HSD17B11: variants seen among roughly 807,000 people sequenced by gnomAD.
HSD17B11 encodes hydroxysteroid 17-beta dehydrogenase 11.
Under a neutral mutation model 27.8 loss-of-function variants are expected in HSD17B11, and 22 were observed. That is an observed-to-expected ratio of 0.79 (90% CI 0.56 to 1.13). The LOEUF is 1.13. Ranked by LOEUF, HSD17B11 falls within the 50% of genes most tolerant of loss-of-function variation. The pLI, the probability that HSD17B11 is intolerant of heterozygous loss-of-function variation, is 0.00. For missense variants in HSD17B11, 314 were observed against 351.1 expected (o/e 0.89, Z 0.84); for synonymous variants, 117 against 132.8 (o/e 0.88, Z 0.82).
At position 87,364,102 on chromosome 4, in the gene HSD17B11, A is replaced by T. The variant is rs189850224; in HGVS notation, c.558-6686T>A. Among the ~76,000 whole-genome samples, 37 of 152,236 alleles carry T rather than the reference A, an allele frequency of 2.4e-4. 1 individual carries two copies. The highest frequency in any genetic ancestry group is 2.4e-3 in the Admixed American group (36 of 15,284). On this transcript the variant is annotated intron_variant, in intron 4 of 6. Transcript: ENST00000358290. ...CTCTTCTTGAAGCTTGTTTTGCTGG[A>T]AAAAGGTTTTTTCTTCTCAGTCAAG...
intron 4 of HSD17B11, among the ~76,000 whole-genome samples, chr4:87,359,151 G>C (rs1409992269): frequency 6.6e-6 from 1 of 152,140 alleles, no homozygotes; most frequent in Non-Finnish European, 1.5e-5. Context: ...GCAGAACTGT[G>C]AGTCAATTGA....
chr4:87,371,900 T>C (rs1213612788), intron 4 of HSD17B11, among the ~76,000 whole-genome samples: 2 of 152,096 alleles, frequency 1.3e-5, no homozygotes, highest in Non-Finnish European at 2.9e-5. Flanking sequence ...CCTTGTGTGG[T>C]TGCAACCCTG....
chr4:87,365,004 A>G (rs1735590484), intron 4 of HSD17B11, among the ~76,000 whole-genome samples: 1 of 152,244 alleles, frequency 6.6e-6, no homozygotes, highest in African/African-American at 2.4e-5. Flanking sequence ...ACCCGTCTCT[A>G]GTAAAAATAC....
chr4:87,362,069 C>T (rs980614564), intron 4 of HSD17B11, among the ~76,000 whole-genome samples: 7 of 152,200 alleles, frequency 4.6e-5, no homozygotes, highest in African/African-American at 1.2e-4. Flanking sequence ...GGGGTGCCTA[C>T]ACCTGGGTAA....
rs185485042 is a variant in HSD17B11, at chr4:87,379,251, G to A, written c.318+3004C>T. On this transcript the variant is annotated intron_variant, in intron 2 of 6. Coordinates refer to ENST00000358290, the MANE Select transcript of HSD17B11 (RefSeq NM_016245.5). ...TGAGCTCAGGGGATCCACCCACCTC[G>A]GCCTCCCAAAGTGCTGGGATTCTAG... Among the ~76,000 whole-genome samples the A allele has an allele frequency of 1.4e-3, 206 of 149,548 alleles. 2 individuals are homozygous for A. Among genetic ancestry groups the A allele is most frequent in the Admixed American group, 0.013 (192 of 14,826 alleles).
At chr4:87,338,217 C>T (rs1578451009) in intron 6 of HSD17B11, among the ~76,000 whole-genome samples, 1 of 150,606 alleles carries the variant, frequency 6.6e-6, no homozygotes, top group Non-Finnish European at 1.5e-5. Flanking sequence ...ACTCCGTCCC[C>T]CACAGCACCC....
At chr4:87,373,131 G>C in intron 3 of HSD17B11, 1 of 228,012 alleles carries the variant, frequency 4.4e-6, no homozygotes, top group Admixed American at 5.6e-5. Flanking sequence ...CTTGAGGTCA[G>C]GAGTTCAAGA....
At chr4:87,380,863 C>CAAAA (rs561938045) in intron 2 of HSD17B11, among the ~76,000 whole-genome samples, 1 of 74,730 alleles carries the variant, frequency 1.3e-5, no homozygotes, top group Non-Finnish European at 2.4e-5. Context: ...GACTCTATCT[C>CAAAA]AAAAAAAAAA....
At position 87,365,750 on chromosome 4, in the gene HSD17B11, TA is replaced by T. The variant is rs55897268; in HGVS notation, c.557+6958del. On this transcript the variant is annotated intron_variant, in intron 4 of 6. Coordinates refer to ENST00000358290, the MANE Select transcript of HSD17B11 (RefSeq NM_016245.5). ...AAAAAAGGTGAAATGTGTTTTTGGT[TA>T]AAAAAAAAATTGTAAGAAGAAGCAT... 1.6e-4 allele frequency among the ~76,000 whole-genome samples: 24 copies of T among 150,756 alleles called. No homozygotes were observed. In the East Asian group the frequency reaches 3.3e-3, roughly 21 times the overall value.
intron 2 of HSD17B11, among the ~76,000 whole-genome samples, chr4:87,381,971 T>A (rs754624498): frequency 3.3e-5 from 5 of 152,020 alleles, no homozygotes; most frequent in Non-Finnish European, 7.4e-5. Context: ...GTGGATGTAT[T>A]TGAGGCCCTG....
In HSD17B11 at chr4:87,382,242, CACA is replaced by C. The variant is rs1720191614; in HGVS notation, c.318+10_318+12del. The C allele has an allele frequency of 6.3e-7, 1 of 1,589,944 alleles. No homozygotes were observed. ...CTAACATGATATGATTCTAACTAAA[CACA>C]ACATTTCACCTTCTTTGCAGAGCTG... On this transcript the variant is annotated intron_variant, in intron 2 of 6. Transcript: ENST00000358290.
chr4:87,386,682 T>A (rs535598181), intron 1 of HSD17B11, among the ~76,000 whole-genome samples: 1 of 152,348 alleles, frequency 6.6e-6, no homozygotes, highest in South Asian at 2.1e-4. Flanking sequence ...TGGTAACTTT[T>A]TTCAAATATG....
At position 87,358,676 on chromosome 4, in the gene HSD17B11, A is replaced by G. The variant is rs150514876; in HGVS notation, c.558-1260T>C. 6.6e-4 allele frequency among the ~76,000 whole-genome samples: 101 copies of G among 152,292 alleles called. 1 individual carries two copies. The highest frequency in any genetic ancestry group is 6.8e-3 in the Middle Eastern group (2 of 294). On this transcript the variant is annotated intron_variant, in intron 4 of 6. Transcript: ENST00000358290. ...GCAATTCAGTGGCAATAATTATCAGATAATCTTTTATTCTGTTAAATCTGT... is the reference window on the plus strand; with the variant it reads ...GCAATTCAGTGGCAATAATTATCAGGTAATCTTTTATTCTGTTAAATCTGT...
intron 4 of HSD17B11, among the ~76,000 whole-genome samples, chr4:87,363,953 A>G (rs1156969608): frequency 6.6e-6 from 1 of 152,230 alleles, no homozygotes; most frequent in Non-Finnish European, 1.5e-5. Context: ...GCCGCTTGGC[A>G]TGGCTAAAGT....
chr4:87,346,763 T>C (rs1735278184), intron 5 of HSD17B11, among the ~76,000 whole-genome samples: 1 of 152,068 alleles, frequency 6.6e-6, no homozygotes, highest in Non-Finnish European at 1.5e-5. Flanking sequence ...TGGCAAAGAT[T>C]AAAAGTGTGC....
At chr4:87,381,182 AT>A (rs1419988413) in intron 2 of HSD17B11, among the ~76,000 whole-genome samples, 2 of 79,608 alleles carry the variant, frequency 2.5e-5, no homozygotes, top group South Asian at 4.2e-4. Flanking sequence ...GTGAGACTCC[AT>A]TTCAAAAAAA....
At chr4:87,380,773 G>GCT (rs1720135896) in intron 2 of HSD17B11, among the ~76,000 whole-genome samples, 1 of 150,214 alleles carries the variant, frequency 6.7e-6, no homozygotes. Context: ...CAGGAGAATG[G>GCT]GGTGAACCCG....
rs1275013061 is a variant in HSD17B11 at position 87,390,994 on chromosome 4, A to G, written c.77T>C (p.Phe26Ser). ...VCSLESFVKL[F>S]IPKRRKSVTG... ...GACTGATTTTCTCCTCTTAGGAATA[A>G]AAAGCTTCACGAAGGACTCTAGGGA... Residue 26 changes from phenylalanine to serine, a missense_variant, in exon 1 of 7, where the codon TTT becomes TCT. Phe to Ser is a radical substitution (Grantham distance 155). Transcript: ENST00000358290. The G allele has an allele frequency of 1.2e-6, 2 of 1,614,072 alleles. No individual in the cohort carries two copies. Among genetic ancestry groups the G allele is most frequent in the Non-Finnish European group, 1.7e-6 (2 of 1,180,040 alleles).
chr4:87,380,609 A>G (rs1317673965), intron 2 of HSD17B11, among the ~76,000 whole-genome samples: 2 of 151,940 alleles, frequency 1.3e-5, no homozygotes, highest in African/African-American at 4.8e-5. Flanking sequence ...CTGTAATCCC[A>G]GCACTTTTGG....
Sources: allele counts gnomAD v4.1 joint callset (sites outside exome capture counted in the v4.1 genomes callset), GRCh38; gene constraint gnomAD v4.1.1; transcripts MANE v1.5; gene names NCBI Gene and HGNC (gene_info 2026-07-23, HGNC 2026-07-21).